The following COL15A1 variants were observed in gnomAD, a reference collection of about 807,000 sequenced individuals.
COL15A1 encodes the protein collagen type XV alpha 1 chain.
A neutral mutation model predicts 165.9 loss-of-function variants in COL15A1; 111 were observed. That is an observed-to-expected ratio of 0.67 (90% CI 0.57 to 0.78). The LOEUF is 0.78. Ranked by LOEUF, COL15A1 falls within the 30% of genes least tolerant of loss-of-function variation. The pLI, the probability that COL15A1 is intolerant of heterozygous loss-of-function variation, is 0.00. For missense variants in COL15A1, 1,745 were observed against 1,789.7 expected (o/e 0.98, Z 0.45); for synonymous variants, 659 against 674.8 (o/e 0.98, Z 0.36).
intron 2 of COL15A1, among the ~76,000 whole-genome samples, chr9:98,954,953 A>C (rs1184717621): frequency 6.6e-6 from 1 of 152,158 alleles, no homozygotes; most frequent in Non-Finnish European, 1.5e-5. Context: ...TCCATTTTGC[A>C]CATGTCTGTG....
intron 2 of COL15A1, among the ~76,000 whole-genome samples, chr9:98,975,378 G>A (rs1049941876): frequency 1.3e-5 from 2 of 152,208 alleles, no homozygotes; most frequent in Non-Finnish European, 1.5e-5. Context: ...CCAGCCCATC[G>A]CACGGAAGGG....
intron 24 of COL15A1, among the ~76,000 whole-genome samples, chr9:99,043,440 C>T (rs144497307): frequency 7.2e-5 from 11 of 152,212 alleles, no homozygotes; most frequent in South Asian, 2.1e-4. Flanking sequence ...TCTAGAGGGA[C>T]GGACATGACA....
At chr9:99,066,830 G>C (rs1381258840) in intron 39 of COL15A1, 52 bp from the exon 40 acceptor site, 1 of 1,522,842 alleles carries the variant, frequency 6.6e-7, no homozygotes, top group African/African-American at 1.4e-5. Flanking sequence ...GGTTCTGGGG[G>C]CTGGAGTTTG....
intron 8 of COL15A1, among the ~76,000 whole-genome samples, chr9:99,004,506 G>A (rs1366914516): frequency 1.3e-5 from 2 of 152,208 alleles, no homozygotes; most frequent in South Asian, 2.1e-4. Flanking sequence ...AGTGGTCCAC[G>A]AGGGTAGACT....
intron 39 of COL15A1, among the ~76,000 whole-genome samples, chr9:99,066,120 T>C (rs1825887122): frequency 6.8e-6 from 1 of 148,106 alleles, no homozygotes; most frequent in African/African-American, 2.5e-5. Flanking sequence ...CGAGATGAGA[T>C]TGATGGGAGG....
chr9:99,044,714 G>C (rs766321146), intron 25 of COL15A1, 21 bp from the exon 26 acceptor site: 6 of 1,613,222 alleles, frequency 3.7e-6, no homozygotes, highest in African/African-American at 1.3e-5. Flanking sequence ...ACAGTGACAA[G>C]TATATATCTT....
At chr9:99,064,110 C>T (rs1825858996) in intron 39 of COL15A1, among the ~76,000 whole-genome samples, 1 of 151,886 alleles carries the variant, frequency 6.6e-6, no homozygotes, top group African/African-American at 2.4e-5. Context: ...CTCCCAACCT[C>T]ACCCCAAAAC....
chr9:99,059,592 C>T (rs769115109), intron 35 of COL15A1, among the ~76,000 whole-genome samples: 1 of 152,232 alleles, frequency 6.6e-6, no homozygotes, highest in Non-Finnish European at 1.5e-5. Context: ...AAATATTCAA[C>T]TTAAGCTGGC....
At chr9:98,962,615 C>T (rs1359641133) in intron 2 of COL15A1, among the ~76,000 whole-genome samples, 1 of 152,178 alleles carries the variant, frequency 6.6e-6, no homozygotes, top group Non-Finnish European at 1.5e-5. Flanking sequence ...TCCTGGGGGG[C>T]TCTTTGGCTA....
chr9:98,968,246 C>T (rs1438275300), intron 2 of COL15A1, among the ~76,000 whole-genome samples: 3 of 152,230 alleles, frequency 2.0e-5, no homozygotes, highest in African/African-American at 7.2e-5. Context: ...ACACAGCACA[C>T]AGTAAGTAAG....
chr9:99,060,041 C>T, intron 36 of COL15A1, 88 bp downstream of exon 36: 1 of 1,435,786 alleles, frequency 7.0e-7, no homozygotes, highest in Non-Finnish European at 9.5e-7. Context: ...GTCTGACATC[C>T]CTTGGGGATC....
At chr9:99,004,388 C>G (rs1239471141) in intron 8 of COL15A1, among the ~76,000 whole-genome samples, 5 of 152,088 alleles carry the variant, frequency 3.3e-5, no homozygotes, top group African/African-American at 1.2e-4. Flanking sequence ...TGAGAAACAT[C>G]CATTGAATTT....
At chr9:98,945,629 G>A (rs1837569406) in intron 2 of COL15A1, among the ~76,000 whole-genome samples, 3 of 152,206 alleles carry the variant, frequency 2.0e-5, no homozygotes, top group East Asian at 1.9e-4. Context: ...ACCCAAATCC[G>A]ATGATAGCTT....
At chr9:98,953,087 G>C (rs1456205018) in intron 2 of COL15A1, among the ~76,000 whole-genome samples, 1 of 152,160 alleles carries the variant, frequency 6.6e-6, no homozygotes, top group African/African-American at 2.4e-5. Context: ...GGTAGGTGAG[G>C]GTTGTAAAAA....
rs1839382048 is a variant in COL15A1, at chr9:99,040,432, C to G, written c.2476-89C>G. 8.1e-6 allele frequency: 13 copies of G among 1,603,934 alleles called. No homozygotes were observed. In the African/African-American group the frequency reaches 9.4e-5, roughly 12 times the overall value. On this transcript the variant is annotated intron_variant, in intron 22 of 41. Coordinates refer to ENST00000375001, the MANE Select transcript of COL15A1 (RefSeq NM_001855.5). ...TCCCAGCTGTGGGAACATGCTGAGG[C>G]CTTTGGAAGGGGCTGGGAGGGAGGG...
chr9:99,056,251 C>G lies in COL15A1; in HGVS notation c.3193-9C>G. On this transcript the variant is annotated splice_polypyrimidine_tract_variant and intron_variant, in intron 34 of 41. Transcript: ENST00000375001. ...CTTTCTCTCTGTTATTGTGTGCTTG[C>G]CTTGACAGGGCCAAAAAGGGGAGAC... The G allele has an allele frequency of 6.2e-7, 1 of 1,613,958 alleles. No homozygotes were observed.
intron 4 of COL15A1, 138 bp from the exon 5 acceptor site, chr9:98,989,040 A>ACACACG: frequency 1.5e-6 from 1 of 678,210 alleles, no homozygotes; most frequent in African/African-American, 1.8e-5. Flanking sequence ...ACACACACAC[A>ACACACG]CACACACACA....
Position 99,056,327 on chromosome 9 carries a change from C to G in COL15A1, c.3260C>G (p.Pro1087Arg), listed in dbSNP as rs377477842. The change falls in exon 35 of 42, where the codon CCT (proline) becomes CGT (arginine). Residue 1087 changes from proline (P) to arginine (R), a missense_variant. Pro to Arg is a moderately radical substitution (Grantham distance 103). Coordinates refer to ENST00000375001, the MANE Select transcript of COL15A1 (RefSeq NM_001855.5). Reference protein sequence around the residue: ...PPGAPGLPGPPGFGRPGDPGP... With the variant: ...PPGAPGLPGPRGFGRPGDPGP... ...GGTGCTCCTGGTCTGCCTGGGCCAC[C>G]TGGCTTTGGAAGACCTGGTGATCCT... 3 of 1,613,908 alleles carry G rather than the reference C, an allele frequency of 1.9e-6. No homozygotes were observed. Among genetic ancestry groups the G allele is most frequent in the Non-Finnish European group, 2.5e-6 (3 of 1,180,030 alleles).
intron 5 of COL15A1, among the ~76,000 whole-genome samples, chr9:98,993,699 T>C (rs1838491346): frequency 6.6e-6 from 1 of 152,148 alleles, no homozygotes; most frequent in African/African-American, 2.4e-5. Context: ...CACTCAGTCA[T>C]GCCACCCCTG....
Sources: gnomAD v4.1 joint callset for allele counts (sites outside exome capture counted in the v4.1 genomes callset) on GRCh38, gnomAD v4.1.1 for gene constraint, MANE v1.5 for transcripts, NCBI Gene and HGNC (gene_info 2026-07-23, HGNC 2026-07-21) for gene names.